The following MAST4 variants were observed in gnomAD, a reference collection of about 807,000 sequenced individuals.
MAST4 encodes microtubule-associated serine/threonine-protein kinase 4.
A neutral mutation model predicts 162.7 loss-of-function variants in MAST4; 89 were observed. The observed-to-expected ratio is 0.55, with a 90% CI of 0.46 to 0.65. MAST4 has a LOEUF of 0.65. MAST4 is among the 30% of genes least tolerant of loss of function. MAST4 has a pLI of 0.00. For synonymous variants in MAST4, 1,479 were observed against 1,361.1 expected (o/e 1.09, Z -1.91); for missense variants, 3,153 against 3,374.0 (o/e 0.93, Z 1.62).
intron 3 of MAST4, among the ~76,000 whole-genome samples, chr5:66,826,462 C>T (rs978075623): frequency 1.2e-4 from 19 of 152,176 alleles, no homozygotes; most frequent in Non-Finnish European, 1.6e-4. Context: ...AGTGTGTCCT[C>T]GAAATGTCTT....
intron 3 of MAST4, among the ~76,000 whole-genome samples, chr5:66,875,571 T>C (rs941717762): frequency 2.6e-5 from 4 of 152,212 alleles, no homozygotes; most frequent in African/African-American, 9.6e-5. Flanking sequence ...ATAAAAAATT[T>C]TTACCACATG....
At chr5:66,847,818 C>T (rs142229303) in intron 3 of MAST4, among the ~76,000 whole-genome samples, 1 of 27,106 alleles carries the variant, frequency 3.7e-5, no homozygotes, top group Non-Finnish European at 8.0e-5. Context: ...AAGACTCCTT[C>T]TCAAAAAAAA....
chr5:66,828,394 C>G (rs1253397868), intron 3 of MAST4, among the ~76,000 whole-genome samples: 1 of 152,104 alleles, frequency 6.6e-6, no homozygotes, highest in Non-Finnish European at 1.5e-5. Context: ...TTTTCACCAT[C>G]CCAGTCAGCG....
At chr5:66,726,332 C>G (rs940359118) in intron 1 of MAST4, among the ~76,000 whole-genome samples, 3 of 151,956 alleles carry the variant, frequency 2.0e-5, no homozygotes, top group Non-Finnish European at 4.4e-5. Context: ...AAAGTAGATT[C>G]ACTTAACCAC....
chr5:66,710,573 A>T (rs957360191), intron 1 of MAST4, among the ~76,000 whole-genome samples: 1 of 152,184 alleles, frequency 6.6e-6, no homozygotes, highest in Admixed American at 6.5e-5. Context: ...TATATAAAAT[A>T]ATAGGCTGAT....
chr5:66,830,998 G>A (rs769246094), intron 3 of MAST4, among the ~76,000 whole-genome samples: 6 of 152,138 alleles, frequency 3.9e-5, no homozygotes, highest in East Asian at 1.9e-4. Context: ...TGGTGTCTGT[G>A]TATTATTCTG....
chr5:66,993,012 C>T (rs1750223908), intron 4 of MAST4, among the ~76,000 whole-genome samples: 1 of 152,122 alleles, frequency 6.6e-6, no homozygotes, highest in East Asian at 1.9e-4. Flanking sequence ...TTTTATTCAT[C>T]TTTTTAGAGA....
intron 19 of MAST4, 61 bp from the exon 20 acceptor site, chr5:67,142,054 G>A: frequency 1.3e-6 from 2 of 1,531,932 alleles, no homozygotes; most frequent in Non-Finnish European, 1.8e-6. Context: ...ACTGATGTTT[G>A]CCTTTGCTTA....
At chr5:66,922,358 G>A (rs890922069) in intron 4 of MAST4, among the ~76,000 whole-genome samples, 1 of 152,188 alleles carries the variant, frequency 6.6e-6, no homozygotes, top group Admixed American at 6.5e-5. Context: ...AAGAGAAATA[G>A]CCTCTTTCCT....
intron 4 of MAST4, among the ~76,000 whole-genome samples, chr5:66,987,305 A>G (rs1046740832): frequency 7.2e-5 from 11 of 152,340 alleles, no homozygotes; most frequent in Admixed American, 7.2e-4. Flanking sequence ...ATCAGTATCT[A>G]GCATATAGAG....
intron 1 of MAST4, among the ~76,000 whole-genome samples, chr5:66,629,260 C>T (rs1011907042): frequency 6.6e-6 from 1 of 152,146 alleles, no homozygotes; most frequent in Non-Finnish European, 1.5e-5. Flanking sequence ...CCCCCAGATT[C>T]CTGAAGAAGG....
At chr5:66,745,572 G>A (rs188988752) in intron 1 of MAST4, among the ~76,000 whole-genome samples, 20 of 152,318 alleles carry the variant, frequency 1.3e-4, no homozygotes, top group Non-Finnish European at 2.2e-4. Context: ...TGAGAGGACT[G>A]TAACCTATGT....
At chr5:66,871,799 C>A (rs1000882047) in intron 3 of MAST4, among the ~76,000 whole-genome samples, 1 of 152,184 alleles carries the variant, frequency 6.6e-6, no homozygotes, top group African/African-American at 2.4e-5. Context: ...AATCCTCTGA[C>A]CCAGTTGCTG....
At chr5:67,074,022 CACTA>C (rs1161853763) in intron 5 of MAST4, among the ~76,000 whole-genome samples, 1 of 151,810 alleles carries the variant, frequency 6.6e-6, no homozygotes, top group East Asian at 1.9e-4. Flanking sequence ...AAAACTAATA[CACTA>C]ACAAATAACT....
intron 14 of MAST4, 38 bp from the exon 15 acceptor site, chr5:67,130,168 TTCTC>T (rs760727065): frequency 6.4e-7 from 1 of 1,555,162 alleles, no homozygotes; most frequent in Non-Finnish European, 8.8e-7. Flanking sequence ...CATCCTTACT[TTCTC>T]TCCTCCTGTC....
At chr5:66,654,800 A>G (rs1030876789) in intron 1 of MAST4, among the ~76,000 whole-genome samples, 6 of 152,178 alleles carry the variant, frequency 3.9e-5, no homozygotes, top group African/African-American at 1.4e-4. Context: ...AAAATTAAAT[A>G]TGGAAATTCT....
At chr5:66,925,194 G>C (rs1000135339) in intron 4 of MAST4, among the ~76,000 whole-genome samples, 1 of 152,132 alleles carries the variant, frequency 6.6e-6, no homozygotes, top group African/African-American at 2.4e-5. Flanking sequence ...TATTAGTTGA[G>C]TGCTCTGCTT....
At chr5:67,056,058 T>C (rs1405407783) in intron 5 of MAST4, among the ~76,000 whole-genome samples, 1 of 149,638 alleles carries the variant, frequency 6.7e-6, no homozygotes, top group Non-Finnish European at 1.5e-5. Context: ...ATGATTATAT[T>C]CTATATATTC....
In MAST4 at chr5:66,890,508, G is replaced by C. The variant is rs1432332985; in HGVS notation, c.643-9443G>C. Among the ~76,000 whole-genome samples, 5 of 152,272 alleles carry C rather than the reference G, an allele frequency of 3.3e-5. No homozygotes were observed. In the East Asian group the frequency reaches 5.8e-4, roughly 18 times the overall value. ...TTGAGGTTAGCTGATTATTTGACTT[G>C]TTACGCTTCTTCTGCTTTAAAAGGT... On this transcript the variant is annotated intron_variant, in intron 3 of 28. Transcript: ENST00000403625.
Sources: gnomAD v4.1 joint callset for allele counts (sites outside exome capture counted in the v4.1 genomes callset) on GRCh38, gnomAD v4.1.1 for gene constraint, MANE v1.5 for transcripts, NCBI Gene and HGNC (gene_info 2026-07-23, HGNC 2026-07-21) for gene names.